ATF1: variants seen among roughly 807,000 people sequenced by gnomAD.
ATF1 encodes cyclic AMP-dependent transcription factor ATF-1.
A neutral mutation model predicts 34.7 loss-of-function variants in ATF1; 16 were observed. The ratio of observed to expected loss-of-function variants is 0.46; its 90% CI spans 0.31 to 0.70. The LOEUF (loss-of-function observed/expected upper bound fraction) is 0.70, where lower values mean the gene tolerates loss of function less well. Among genes scored for constraint, ATF1 ranks in the 30% least tolerant of loss-of-function variants. ATF1 has a pLI of 0.05. For synonymous variants in ATF1, 105 were observed against 113.1 expected (o/e 0.93, Z 0.46); for missense variants, 255 against 321.6 (o/e 0.79, Z 1.58).
chr12:50,791,185 A>T (rs954978589), intron 2 of ATF1, among the ~76,000 whole-genome samples: 2 of 152,186 alleles, frequency 1.3e-5, no homozygotes, highest in Non-Finnish European at 2.9e-5. Context: ...GACCCTAGGC[A>T]TTTTGAGGGA....
At chr12:50,781,796 G>A (rs1432016251) in intron 2 of ATF1, among the ~76,000 whole-genome samples, 1 of 151,730 alleles carries the variant, frequency 6.6e-6, no homozygotes, top group African/African-American at 2.4e-5. Context: ...TACAACACCT[G>A]TAGTAACAGC....
chr12:50,772,111 GA>G (rs1300577625), intron 1 of ATF1, among the ~76,000 whole-genome samples: 1 of 152,102 alleles, frequency 6.6e-6, no homozygotes, highest in Admixed American at 6.6e-5. Flanking sequence ...CGAGATCCAA[GA>G]ACCCTCTGTT....
At chr12:50,818,639 T>C (rs913496538) in intron 6 of ATF1, among the ~76,000 whole-genome samples, 4 of 152,210 alleles carry the variant, frequency 2.6e-5, no homozygotes, top group African/African-American at 7.2e-5. Context: ...AGACAGAGTC[T>C]TGCTCTGTTG....
At chr12:50,784,006 A>T (rs941502527) in intron 2 of ATF1, among the ~76,000 whole-genome samples, 1 of 152,046 alleles carries the variant, frequency 6.6e-6, no homozygotes, top group African/African-American at 2.4e-5. Context: ...ACTAAAAAAT[A>T]AAAAAATTTA....
intron 3 of ATF1, among the ~76,000 whole-genome samples, chr12:50,807,780 C>T (rs1376036186): frequency 1.3e-5 from 2 of 150,390 alleles, no homozygotes; most frequent in Admixed American, 6.7e-5. Context: ...CTACTCTTTC[C>T]TCTACCCCCA....
At chr12:50,779,511 T>C (rs138434019) in intron 1 of ATF1, among the ~76,000 whole-genome samples, 55 of 152,252 alleles carry the variant, frequency 3.6e-4, no homozygotes, top group Admixed American at 7.8e-4. Context: ...AATAGTGATA[T>C]TGAGCATCTT....
chr12:50,791,372 A>G (rs916834908), intron 2 of ATF1, among the ~76,000 whole-genome samples: 6 of 152,198 alleles, frequency 3.9e-5, no homozygotes, highest in Admixed American at 3.9e-4. Flanking sequence ...CCTGGCCAAC[A>G]TGGGGAAACC....
At chr12:50,777,334 T>C (rs1940949512) in intron 1 of ATF1, among the ~76,000 whole-genome samples, 1 of 152,208 alleles carries the variant, frequency 6.6e-6, no homozygotes, top group Non-Finnish European at 1.5e-5. Context: ...TGTCATCCTT[T>C]TTTCTTTCTA....
At chr12:50,768,936 C>G (rs1940705399) in intron 1 of ATF1, among the ~76,000 whole-genome samples, 1 of 152,194 alleles carries the variant, frequency 6.6e-6, no homozygotes, top group Non-Finnish European at 1.5e-5. Flanking sequence ...AGCCACGCCC[C>G]TAAGCTGTGC....
chr12:50,765,591 G>A (rs1281758428), intron 1 of ATF1, among the ~76,000 whole-genome samples: 2 of 152,188 alleles, frequency 1.3e-5, no homozygotes, highest in African/African-American at 4.8e-5. Context: ...ATCTTAAACA[G>A]GAGCTGGGTA....
chr12:50,809,111 T>A (rs542888195), intron 3 of ATF1, among the ~76,000 whole-genome samples: 1 of 152,020 alleles, frequency 6.6e-6, no homozygotes, highest in Non-Finnish European at 1.5e-5. Context: ...TGGTGGCACA[T>A]GCCTGTAATC....
At chr12:50,793,452 C>T (rs1941345562) in intron 2 of ATF1, among the ~76,000 whole-genome samples, 2 of 151,926 alleles carry the variant, frequency 1.3e-5, no homozygotes, top group Admixed American at 1.3e-4. Context: ...GGTGAAACCC[C>T]ATCTCTACTA....
intron 2 of ATF1, among the ~76,000 whole-genome samples, chr12:50,784,895 T>G (rs1256044942): frequency 1.3e-5 from 2 of 150,456 alleles, no homozygotes; most frequent in African/African-American, 4.9e-5. Flanking sequence ...ATTTATTTAT[T>G]TATTATTTAT....
chr12:50,806,902 C>T lies in ATF1; in HGVS notation c.195-2554C>T, dbSNP rs538340440. 2.6e-5 allele frequency among the ~76,000 whole-genome samples: 4 copies of T among 152,242 alleles called. No homozygotes were observed. In the South Asian group the frequency reaches 6.2e-4, roughly 24 times the overall value. Reference sequence around the variant, plus strand: ...ACAGAGTCCTATAGGACTGACACCTCCATTGTGCTTCCTGTGGAACTTCTC... The same window carrying T: ...ACAGAGTCCTATAGGACTGACACCTTCATTGTGCTTCCTGTGGAACTTCTC... On this transcript the variant is annotated intron_variant, in intron 3 of 6. Transcript: ENST00000262053.
upstream of ATF1, chr12:50,764,045 C>T (rs1189524761): frequency 6.6e-6 from 1 of 151,484 alleles, no homozygotes; most frequent in Admixed American, 6.6e-5. Flanking sequence ...CAGTTTTGCC[C>T]CCCTCCCCTC....
At chr12:50,779,153 A>G (rs560336426) in intron 1 of ATF1, among the ~76,000 whole-genome samples, 25 of 152,302 alleles carry the variant, frequency 1.6e-4, no homozygotes, top group African/African-American at 4.8e-4. Flanking sequence ...TTATTTATCA[A>G]TTCATCCACT....
At chr12:50,807,818 T>TG (rs1165110545) in intron 3 of ATF1, among the ~76,000 whole-genome samples, 60 of 151,172 alleles carry the variant, frequency 4.0e-4, no homozygotes, top group African/African-American at 1.4e-3. Flanking sequence ...TTTTTGTTTT[T>TG]TTTTTTTTTT....
chr12:50,799,301 C>A (rs549770372), intron 3 of ATF1, among the ~76,000 whole-genome samples: 2 of 152,300 alleles, frequency 1.3e-5, no homozygotes, highest in East Asian at 3.9e-4. Context: ...CAGAGGATCA[C>A]TTGAGCCCAG....
chr12:50,809,990 C>A (rs762762418), intron 4 of ATF1, among the ~76,000 whole-genome samples: 6 of 151,844 alleles, frequency 4.0e-5, no homozygotes, highest in Non-Finnish European at 7.4e-5. Flanking sequence ...TGTGCCACCA[C>A]GCCCGGCTAA....
Sources: gnomAD v4.1 joint callset for allele counts (sites outside exome capture counted in the v4.1 genomes callset) on GRCh38, gnomAD v4.1.1 for gene constraint, MANE v1.5 for transcripts, NCBI Gene and HGNC (gene_info 2026-07-23, HGNC 2026-07-21) for gene names.